The following COL15A1 variants were observed in gnomAD, a reference collection of about 807,000 sequenced individuals.
COL15A1 encodes the protein collagen type XV alpha 1 chain.
A neutral mutation model predicts 165.9 loss-of-function variants in COL15A1; 111 were observed. The observed-to-expected ratio is 0.67, with a 90% CI of 0.57 to 0.78. The LOEUF (loss-of-function observed/expected upper bound fraction) is 0.78, where lower values mean the gene tolerates loss of function less well. Among genes scored for constraint, COL15A1 ranks in the 30% least tolerant of loss-of-function variants. The pLI is 0.00. For missense variants in COL15A1, 1,745 were observed against 1,789.7 expected (o/e 0.98, Z 0.45); for synonymous variants, 659 against 674.8 (o/e 0.98, Z 0.36).
At chr9:98,987,917 A>G (rs1838343661) in intron 4 of COL15A1, among the ~76,000 whole-genome samples, 1 of 152,196 alleles carries the variant, frequency 6.6e-6, no homozygotes, top group Non-Finnish European at 1.5e-5. Flanking sequence ...ATACCCAAAT[A>G]CAGTGGCAGA....
chr9:99,023,424 T>G lies in COL15A1; in HGVS notation c.1829T>G (p.Leu610Arg), dbSNP rs943656495. Residue 610 changes from leucine (L) to arginine (R), a missense_variant, in exon 14 of 42, where the codon CTG becomes CGG. Leu to Arg is a moderately radical substitution (Grantham distance 102, BLOSUM62 -2). Coordinates refer to ENST00000375001, the MANE Select transcript of COL15A1 (RefSeq NM_001855.5). ...GSDVGSGSGD[L>R]VGSEQLLRGP... is the part of the protein sequence containing the mutation. ...GACGTCGGCTCTGGCTCTGGTGACC[T>G]GGTGGGCAGTGAGCAGCTGCTGAGA... 6.7e-7 allele frequency: 1 copy of G among 1,494,530 alleles called. No homozygotes were observed. The highest frequency in any genetic ancestry group is 9.3e-7 in the Non-Finnish European group (1 of 1,071,970). 92.6% of individuals were successfully genotyped at this position (1,494,530 alleles called of 1,614,324 possible).
intron 7 of COL15A1, among the ~76,000 whole-genome samples, chr9:99,002,136 C>T (rs1838668301): frequency 8.8e-6 from 1 of 114,104 alleles, no homozygotes. Flanking sequence ...CTTTTATTCC[C>T]TCCCTTCCTC....
At chr9:98,991,643 A>T (rs1251532069) in intron 5 of COL15A1, among the ~76,000 whole-genome samples, 2 of 152,176 alleles carry the variant, frequency 1.3e-5, no homozygotes, top group Non-Finnish European at 2.9e-5. Flanking sequence ...CTTGAGCTAG[A>T]TACAGAGTGC....
At chr9:99,034,961 C>G in intron 17 of COL15A1, 53 bp from the exon 18 acceptor site, 1 of 1,498,976 alleles carries the variant, frequency 6.7e-7, no homozygotes, top group Non-Finnish European at 9.3e-7. Context: ...GCATGTTGTT[C>G]CTTCCATGAG....
intron 30 of COL15A1, 151 bp downstream of exon 30, chr9:99,050,046 G>T: frequency 9.4e-7 from 1 of 1,063,770 alleles, no homozygotes; most frequent in Non-Finnish European, 1.4e-6. Flanking sequence ...GTGACTAGAA[G>T]CTTTTAGATA....
chr9:98,965,669 T>C (rs940605765), intron 2 of COL15A1, among the ~76,000 whole-genome samples: 2 of 152,248 alleles, frequency 1.3e-5, no homozygotes, highest in African/African-American at 4.8e-5. Context: ...CTCACTCCAC[T>C]GTGTTCACCT....
chr9:99,069,878 A>T lies in COL15A1; in HGVS notation c.4159A>T (p.Arg1387Trp), dbSNP rs777248323. Residue 1387 changes from arginine (R) to tryptophan (W), a missense_variant, in exon 42 of 42, where the codon AGG (arginine) becomes TGG (tryptophan). By Grantham distance (101) the Arg-to-Trp change is moderately radical. Transcript: ENST00000375001. Reference protein sequence around the residue: ...CIENSFMTDARK With the variant: ...CIENSFMTDAWK ...CGAAAACAGTTTCATGACAGACGCT[A>T]GGAAGTAATGGCCTTCTGATGATTC... 1.9e-6 allele frequency: 3 copies of T among 1,609,098 alleles called. No individual in the cohort carries two copies. The highest frequency in any genetic ancestry group is 2.6e-6 in the Non-Finnish European group (3 of 1,175,894).
At chr9:99,067,203 G>C in intron 40 of COL15A1, 136 bp downstream of exon 40, 1 of 751,220 alleles carries the variant, frequency 1.3e-6, no homozygotes, top group Non-Finnish European at 2.1e-6. Context: ...ATGTCACTTT[G>C]GGTGGGTTCT....
chr9:98,975,581 A>G (rs1185731364), intron 2 of COL15A1, among the ~76,000 whole-genome samples: 1 of 152,174 alleles, frequency 6.6e-6, no homozygotes, highest in East Asian at 1.9e-4. Context: ...GTTTCCATGG[A>G]AACTGGCTTT....
At chr9:99,030,015 A>G (rs1343629712) in intron 16 of COL15A1, among the ~76,000 whole-genome samples, 4 of 152,218 alleles carry the variant, frequency 2.6e-5, no homozygotes. Flanking sequence ...AGGAAAACCA[A>G]CAGACATCCA....
At chr9:99,006,224 A>T (rs1281901052) in intron 9 of COL15A1, among the ~76,000 whole-genome samples, 2 of 152,252 alleles carry the variant, frequency 1.3e-5, no homozygotes, top group Non-Finnish European at 2.9e-5. Flanking sequence ...AGGCCTCATC[A>T]TCATTGTAGT....
intron 2 of COL15A1, among the ~76,000 whole-genome samples, chr9:98,973,836 CTG>C (rs1225972744): frequency 6.6e-6 from 1 of 152,222 alleles, no homozygotes; most frequent in East Asian, 1.9e-4. Flanking sequence ...GTTAGAAAAA[CTG>C]AAACACTGGC....
In COL15A1 at chr9:99,047,778, G is replaced by A. The variant is rs779465296; in HGVS notation, c.2680-8G>A. ...TCTTTTCTAATCTGGCATTTGTTTT[G>A]CCTCTAGGGGCCCAAAGGACCACCA... On this transcript the variant is annotated splice_region_variant and splice_polypyrimidine_tract_variant and intron_variant, in intron 26 of 41. Coordinates refer to ENST00000375001, the MANE Select transcript of COL15A1 (RefSeq NM_001855.5). The A allele has an allele frequency of 6.2e-7, 1 of 1,614,010 alleles. No homozygotes were observed. The highest frequency in any genetic ancestry group is 2.2e-5 in the East Asian group (1 of 44,874).
In COL15A1 at chr9:99,047,811, A is replaced by G. The variant is rs1839517868; in HGVS notation, c.2705A>G (p.Lys902Arg). The G allele has an allele frequency of 6.2e-7, 1 of 1,613,872 alleles. No individual in the cohort carries two copies. Among genetic ancestry groups the G allele is most frequent in the South Asian group, 1.1e-5 (1 of 91,070 alleles). Residue 902 changes from lysine to arginine, a missense_variant, in exon 27 of 42, where the codon AAA (lysine) becomes AGA (arginine). By Grantham distance (26) the Lys-to-Arg change is conservative. Coordinates refer to ENST00000375001, the MANE Select transcript of COL15A1 (RefSeq NM_001855.5). ...GGGCCCAAAGGACCACCAGGACATA[A>G]AGGAGAATTTGGCCTTCCCGGGCGA... ...PMGPKGPPGH[K>R]GEFGLPGRPG...
chr9:99,042,974 G>A (rs1251045782), intron 24 of COL15A1, among the ~76,000 whole-genome samples: 1 of 152,168 alleles, frequency 6.6e-6, no homozygotes, highest in Non-Finnish European at 1.5e-5. Flanking sequence ...TAGGCGTAGG[G>A]ATATAGAAAT....
rs754797361 is a variant in COL15A1, at chr9:98,985,924, G to C, written c.460G>C (p.Val154Leu). ...HVSQEAAAFS[V>L]PVMTHRWNRF... is the part of the protein sequence containing the mutation. ...GTCCCAAGAGGCTGCTGCCTTCTCG[G>C]TGCCTGTGATGACCCACAGGTGGAA... is the stretch of plus-strand genomic sequence containing the variant. Residue 154 changes from valine to leucine, a missense_variant, in exon 3 of 42, where the codon GTG (valine) becomes CTG (leucine). Coordinates refer to ENST00000375001, the MANE Select transcript of COL15A1 (RefSeq NM_001855.5). 2 of 1,613,968 alleles carry C rather than the reference G, an allele frequency of 1.2e-6. No homozygotes were observed. The highest frequency in any genetic ancestry group is 1.7e-6 in the Non-Finnish European group (2 of 1,180,028).
At chr9:98,959,629 T>C (rs1307187250) in intron 2 of COL15A1, among the ~76,000 whole-genome samples, 1 of 152,074 alleles carries the variant, frequency 6.6e-6, no homozygotes, top group Non-Finnish European at 1.5e-5. Context: ...GCCCCTGCAA[T>C]GTCTGTTGCA....
At chr9:99,004,821 G>A (rs1838728138) in intron 8 of COL15A1, 77 bp from the exon 9 acceptor site, 4 of 1,563,234 alleles carry the variant, frequency 2.6e-6, no homozygotes, top group Non-Finnish European at 3.5e-6. Context: ...AGGGGCCCTG[G>A]CCTTCTGTTC....
At chr9:99,023,486 C>T in intron 14 of COL15A1, 37 bp downstream of exon 14, 5 of 979,080 alleles carry the variant, frequency 5.1e-6, no homozygotes, top group Non-Finnish European at 8.2e-6. Context: ...GTGTCTGGGA[C>T]TGCCTTCAAA....
Sources: allele counts gnomAD v4.1 joint callset (sites outside exome capture counted in the v4.1 genomes callset), GRCh38; gene constraint gnomAD v4.1.1; transcripts MANE v1.5; gene names NCBI Gene and HGNC (gene_info 2026-07-23, HGNC 2026-07-21).